Variants in TMEM232 observed in about 807,000 individuals in gnomAD.
The protein encoded by TMEM232 is transmembrane protein 232.
TMEM232 carries 80 observed loss-of-function variants against 78.8 expected under a neutral mutation model. That is an observed-to-expected ratio of 1.01 (90% CI 0.85 to 1.22). The LOEUF is 1.22. Ranked by LOEUF, TMEM232 falls within the 50% of genes most tolerant of loss-of-function variation. TMEM232 has a pLI of 0.00. For missense variants in TMEM232, 881 were observed against 742.2 expected (o/e 1.19, Z -2.17); for synonymous variants, 297 against 254.3 (o/e 1.17, Z -1.60).
At chr5:110,711,687 A>G (rs1279145156) in intron 1 of TMEM232, among the ~76,000 whole-genome samples, 1 of 152,196 alleles carries the variant, frequency 6.6e-6, no homozygotes, top group African/African-American at 2.4e-5. Flanking sequence ...ACTGGGTAAA[A>G]GACAGTCTCT....
intron 1 of TMEM232, among the ~76,000 whole-genome samples, chr5:110,677,058 G>A (rs1267790489): frequency 2.6e-5 from 4 of 152,110 alleles, no homozygotes. Context: ...ACCGCGCCCT[G>A]CCTCATTGCT....
chr5:110,392,235 C>G (rs762361269), intron 3 of TMEM232, among the ~76,000 whole-genome samples: 2 of 152,048 alleles, frequency 1.3e-5, no homozygotes, highest in Non-Finnish European at 2.9e-5. Context: ...CAAAAGAGCA[C>G]AAGGAGGTAT....
chr5:110,590,241 A>C (rs957763655), intron 10 of TMEM232, among the ~76,000 whole-genome samples: 2 of 152,164 alleles, frequency 1.3e-5, no homozygotes, highest in Non-Finnish European at 2.9e-5. Flanking sequence ...CTCAGAGTGG[A>C]AAATGGACAT....
Position 110,568,529 on chromosome 5 carries a change from C to T in TMEM232, c.1373G>A (p.Arg458Lys). The T allele has an allele frequency of 6.5e-7, 1 of 1,549,490 alleles. No homozygotes were observed. The highest frequency in any genetic ancestry group is 8.7e-7 in the Non-Finnish European group (1 of 1,145,710). ...LQGDEEQDGLRNMIWQTLQKT... is the reference protein window; with the variant it reads ...LQGDEEQDGLKNMIWQTLQKT... ...CTGCAATGTTTGCCATATCATGTTT[C>T]TAAGTCCATCCTGTTCTTCGTCTCC... Residue 458 changes from arginine to lysine, a missense_variant, in exon 11 of 14, where the codon AGA becomes AAA. Coordinates refer to ENST00000455884, the MANE Select transcript of TMEM232 (RefSeq NM_001039763.4).
intron 8 of TMEM232, among the ~76,000 whole-genome samples, chr5:110,617,261 G>C (rs1234437284): frequency 6.6e-6 from 1 of 152,186 alleles, no homozygotes; most frequent in Non-Finnish European, 1.5e-5. Flanking sequence ...TATAAGGCTT[G>C]GGATGGGGAG....
At chr5:110,508,463 A>T (rs934392839) in intron 12 of TMEM232, among the ~76,000 whole-genome samples, 3 of 151,378 alleles carry the variant, frequency 2.0e-5, no homozygotes, top group Non-Finnish European at 4.4e-5. Flanking sequence ...AGGGGTAATA[A>T]AGATATTCTT....
At chr5:110,606,122 T>A (rs1012548966) in intron 9 of TMEM232, 42 bp downstream of exon 9, 128 of 1,497,088 alleles carry the variant, frequency 8.5e-5, no homozygotes, top group Non-Finnish European at 1.1e-4. Context: ...TAAAATCTGT[T>A]TCTCTTCGGT....
At chr5:110,428,573 G>C (rs1187242929) in intron 12 of TMEM232, among the ~76,000 whole-genome samples, 1 of 151,196 alleles carries the variant, frequency 6.6e-6, no homozygotes, top group African/African-American at 2.4e-5. Context: ...CTAATCACAT[G>C]AATCAACATA....
At position 110,550,287 on chromosome 5, in the gene TMEM232, T is replaced by G. The variant is rs150332774; in HGVS notation, c.1455+18160A>C. ...AAGTTCTTGTTAAACTTGGAAAAATTGAGTTTTAATTTATGGGAGGTATTT... is the reference window on the plus strand; with the variant it reads ...AAGTTCTTGTTAAACTTGGAAAAATGGAGTTTTAATTTATGGGAGGTATTT... On this transcript the variant is annotated intron_variant, in intron 11 of 13. Transcript: ENST00000455884. Among the ~76,000 whole-genome samples the G allele has an allele frequency of 6.4e-3, 967 of 152,248 alleles. 5 individuals carry two copies. Among genetic ancestry groups the G allele is most frequent in the African/African-American group, 0.011 (438 of 41,562 alleles).
intron 12 of TMEM232, among the ~76,000 whole-genome samples, chr5:110,457,163 T>G (rs892774867): frequency 3.9e-5 from 6 of 152,084 alleles, no homozygotes; most frequent in African/African-American, 1.4e-4. Context: ...AAACACCTAT[T>G]AAATCACATT....
intron 8 of TMEM232, among the ~76,000 whole-genome samples, chr5:110,607,904 A>G (rs1328673642): frequency 6.6e-6 from 1 of 151,994 alleles, no homozygotes; most frequent in Non-Finnish European, 1.5e-5. Context: ...ATCACCTGCT[A>G]TACATGACAG....
intron 12 of TMEM232, among the ~76,000 whole-genome samples, chr5:110,428,018 T>A (rs1757429519): frequency 6.6e-6 from 1 of 151,880 alleles, no homozygotes; most frequent in Admixed American, 6.6e-5. Flanking sequence ...TTAGTTATTT[T>A]AAAATGTACA....
intron 1 of TMEM232, among the ~76,000 whole-genome samples, chr5:110,696,585 G>A (rs549097295): frequency 1.8e-3 from 271 of 152,282 alleles, no homozygotes; most frequent in African/African-American, 6.1e-3. Context: ...TCCTTAAGCT[G>A]ATAAGCAACT....
At chr5:110,636,945 G>C (rs1357480429) in intron 5 of TMEM232, among the ~76,000 whole-genome samples, 1 of 151,830 alleles carries the variant, frequency 6.6e-6, no homozygotes, top group Non-Finnish European at 1.5e-5. Context: ...ATATTTTGTA[G>C]CTATTTTTTT....
intron 2 of TMEM232, among the ~76,000 whole-genome samples, chr5:110,661,768 A>G (rs571793962): frequency 3.2e-4 from 49 of 152,304 alleles, no homozygotes; most frequent in African/African-American, 1.1e-3. Context: ...TCCCACCAAC[A>G]GTGTAGGAGC....
At chr5:110,417,618 C>CTTTTTTTTTTTTTTTT (rs1181888424), downstream of TMEM232, 2 of 119,292 alleles carry the variant, frequency 1.7e-5, no homozygotes, top group Non-Finnish European at 3.6e-5. Context: ...TTTTCTTTTT[C>CTTTTTTTTTTTTTTTT]TTTTTTTTTT....
intron 12 of TMEM232, among the ~76,000 whole-genome samples, chr5:110,435,097 TAAAC>T (rs1758276916): frequency 6.6e-6 from 1 of 151,756 alleles, no homozygotes; most frequent in African/African-American, 2.4e-5. Context: ...GAGAAAGAAA[TAAAC>T]ATCATTTAAA....
At chr5:110,680,497 A>T (rs1403780714) in intron 1 of TMEM232, among the ~76,000 whole-genome samples, 2 of 151,726 alleles carry the variant, frequency 1.3e-5, no homozygotes, top group Non-Finnish European at 2.9e-5. Context: ...TAAGGTTTGC[A>T]GAGATGTAGG....
At chr5:110,635,634 C>A (rs1785701014) in intron 5 of TMEM232, among the ~76,000 whole-genome samples, 1 of 151,912 alleles carries the variant, frequency 6.6e-6, no homozygotes, top group Admixed American at 6.6e-5. Flanking sequence ...AGCATCCCTT[C>A]ATGATAAAAA....
Sources: allele counts gnomAD v4.1 joint callset (sites outside exome capture counted in the v4.1 genomes callset), GRCh38; gene constraint gnomAD v4.1.1; transcripts MANE v1.5; gene names NCBI Gene and HGNC (gene_info 2026-07-23, HGNC 2026-07-21).